Variants in ACOT9 observed in about 807,000 individuals in gnomAD.
ACOT9 encodes acyl-coenzyme A thioesterase 9, mitochondrial.
Under a neutral mutation model 39.7 loss-of-function variants are expected in ACOT9, and 34 were observed. The observed-to-expected ratio is 0.86, with a 90% CI of 0.65 to 1.14. The LOEUF (loss-of-function observed/expected upper bound fraction) is 1.14. Ranked by LOEUF, ACOT9 falls within the 50% of genes most tolerant of loss-of-function variation. The pLI, the probability that ACOT9 is intolerant of heterozygous loss-of-function variation, is 0.00. For synonymous variants in ACOT9, 110 were observed against 120.5 expected, an observed-to-expected ratio of 0.91 and a Z score of 0.57; for missense variants, 313 against 344.1, an observed-to-expected ratio of 0.91 and a Z score of 0.71.
At chrX:23,725,048 C>T (rs921108531) in intron 6 of ACOT9, among the ~76,000 whole-genome samples, 3 of 111,491 alleles carry the variant, frequency 2.7e-5, no homozygotes, top group Admixed American at 9.6e-5. Context: ...AACTGAAACA[C>T]TGGGAGTAGA....
chrX:23,719,841 A>ATTTTT (rs758925800), intron 8 of ACOT9, among the ~76,000 whole-genome samples: 2 of 100,922 alleles, frequency 2.0e-5, no homozygotes, highest in African/African-American at 7.2e-5. Context: ...TGAATAAGTC[A>ATTTTT]TTTTTTTTTT....
chrX:23,711,819 C>T (rs954892581), intron 9 of ACOT9, among the ~76,000 whole-genome samples: 2 of 111,113 alleles, frequency 1.8e-5, no homozygotes, highest in Non-Finnish European at 3.8e-5. Context: ...CCTCCTGATA[C>T]GATGCAATAT....
At chrX:23,723,412 G>A (rs1473830299) in intron 6 of ACOT9, among the ~76,000 whole-genome samples, 4 of 109,639 alleles carry the variant, frequency 3.6e-5, no homozygotes, top group Admixed American at 3.0e-4. Context: ...TCGAGAGATC[G>A]AGACCATCCT....
At chrX:23,706,297 C>T (rs748355132) in intron 11 of ACOT9, among the ~76,000 whole-genome samples, 1 of 108,216 alleles carries the variant, frequency 9.2e-6, no homozygotes, top group African/African-American at 3.4e-5. Context: ...TGGTGGCTCA[C>T]GCCTGTAATC....
intron 1 of ACOT9, among the ~76,000 whole-genome samples, chrX:23,740,717 TACACACACACACAC>T (rs67075682): frequency 4.3e-5 from 4 of 92,101 alleles, no homozygotes; most frequent in South Asian, 6.0e-4. Flanking sequence ...CCCCAATACA[TACACACACACACAC>T]ACACACACAC....
chrX:23,741,157 C>T (rs893195764), intron 1 of ACOT9, among the ~76,000 whole-genome samples: 6 of 109,349 alleles, frequency 5.5e-5, no homozygotes, highest in Non-Finnish European at 1.1e-4. Context: ...TACAAAAAGA[C>T]AAAAGATAAC....
intron 1 of ACOT9, among the ~76,000 whole-genome samples, chrX:23,741,486 C>A (rs7066756): frequency 9.2e-6 from 1 of 108,911 alleles, no homozygotes; most frequent in Admixed American, 9.8e-5. Context: ...ACAGGCAATA[C>A]CACTCATATG....
In ACOT9 at chrX:23,743,178, G is replaced by C. The variant is rs753481000; in HGVS notation, c.-34C>G. 6.7e-5 allele frequency: 77 copies of C among 1,146,143 alleles called. No homozygotes were observed. The South Asian group carries it at 8.1e-4, about 12-fold the overall frequency. 94.5% of individuals were successfully genotyped at this position (1,146,143 alleles called of 1,213,427 possible). The stretch of plus-strand genomic sequence containing the variant: ...GCTGCCGTGCGCGCGATGGAGAACC[G>C]GGCCCCGCGCGCTAGTCGGCGGAGG... On this transcript the variant is annotated 5_prime_UTR_variant, in exon 1 of 16. Transcript: ENST00000379303.
chrX:23,709,934 C>A (rs1369285280), intron 9 of ACOT9, among the ~76,000 whole-genome samples: 1 of 112,276 alleles, frequency 8.9e-6, no homozygotes, highest in Non-Finnish European at 1.9e-5. Context: ...GTCGCCCAGG[C>A]TGGCGTGCAG....
chrX:23,710,490 T>A (rs1470140082), intron 9 of ACOT9, among the ~76,000 whole-genome samples: 1 of 111,876 alleles, frequency 8.9e-6, no homozygotes, highest in South Asian at 3.7e-4. Context: ...AAGGCACACT[T>A]GGAGCATCAA....
rs1404660289 is a variant in ACOT9, at chrX:23,701,798, G to A, written c.*2096C>T. ...GTTAAAAATGCTTTCCACCGGCCGG[G>A]TGCAGTGGCTCATGCCTATAATCCC... On this transcript the variant is annotated 3_prime_UTR_variant, in exon 16 of 16. Transcript: ENST00000379303. Among the ~76,000 whole-genome samples the A allele has an allele frequency of 3.6e-5, 4 of 111,458 alleles. No homozygotes were observed. The highest frequency in any genetic ancestry group is 7.5e-5 in the Non-Finnish European group (4 of 53,005).
rs942255959 is a variant in ACOT9, at chrX:23,733,220, G to A, written c.146-3C>T. On this transcript the variant is annotated splice_region_variant and splice_polypyrimidine_tract_variant and intron_variant, in intron 3 of 15. Transcript: ENST00000379303. ...TATCTCCCGCAACTTATCTCGAACT[G>A]AAACAAAAATAAAGAGGTCATTCCA... 2 of 1,203,495 alleles carry A rather than the reference G, an allele frequency of 1.7e-6. No homozygotes were observed. Among genetic ancestry groups the A allele is most frequent in the Non-Finnish European group, 1.1e-6 (1 of 890,124 alleles).
At chrX:23,704,084 C>A in intron 15 of ACOT9, 102 bp from the exon 16 acceptor site, 1 of 643,718 alleles carries the variant, frequency 1.6e-6, no homozygotes, top group Non-Finnish European at 2.4e-6. Flanking sequence ...TGGGACAGAA[C>A]AAGATACACT....
chrX:23,739,024 G>A (rs921860918), intron 1 of ACOT9, among the ~76,000 whole-genome samples: 3 of 111,792 alleles, frequency 2.7e-5, no homozygotes, highest in Non-Finnish European at 5.6e-5. Flanking sequence ...TTGGGAGGCC[G>A]AGGCAGGCGT....
intron 1 of ACOT9, among the ~76,000 whole-genome samples, chrX:23,742,794 G>A (rs1334964919): frequency 2.7e-5 from 3 of 112,516 alleles, no homozygotes; most frequent in Non-Finnish European, 5.6e-5. Flanking sequence ...CTGACAAGGG[G>A]CTACCCCGAC....
intron 11 of ACOT9, 48 bp downstream of exon 11, chrX:23,706,580 A>AG: frequency 1.7e-6 from 1 of 601,420 alleles, no homozygotes; most frequent in Non-Finnish European, 2.6e-6. Flanking sequence ...AAAAAAAAAA[A>AG]GGCCAAGGTT....
intron 6 of ACOT9, among the ~76,000 whole-genome samples, chrX:23,726,236 T>A (rs60593005): frequency 0.16 from 17,211 of 110,642 alleles, 1,149 homozygotes; most frequent in East Asian, 0.35. Flanking sequence ...ATAAAATAAA[T>A]TCAAAAAATA....
At chrX:23,737,954 T>C (rs945291229) in intron 1 of ACOT9, among the ~76,000 whole-genome samples, 4 of 106,437 alleles carry the variant, frequency 3.8e-5, no homozygotes, top group Non-Finnish European at 7.7e-5. Context: ...CTGCAAGCTC[T>C]GCCTCCCGGG....
In ACOT9 at chrX:23,730,509, C is replaced by G; in HGVS notation, c.400+18G>C. On this transcript the variant is annotated intron_variant, in intron 6 of 15. Coordinates refer to ENST00000379303, the MANE Select transcript of ACOT9 (RefSeq NM_001037171.2). ...TATCTGTAGGTATCTATTAGAAAGACTAAAATAATACCAGTACCTCCCAAG... is the reference window on the plus strand; with the variant it reads ...TATCTGTAGGTATCTATTAGAAAGAGTAAAATAATACCAGTACCTCCCAAG... 1 of 1,184,542 alleles carries G rather than the reference C, an allele frequency of 8.4e-7. No individual in the cohort carries two copies.
Sources: allele counts gnomAD v4.1 joint callset (sites outside exome capture counted in the v4.1 genomes callset), GRCh38; gene constraint gnomAD v4.1.1; transcripts MANE v1.5; gene names NCBI Gene and HGNC (gene_info 2026-07-23, HGNC 2026-07-21).